Variants in SNAP91 observed in about 807,000 individuals in gnomAD.
SNAP91 encodes the protein synaptosome associated protein 91.
A neutral mutation model predicts 100.3 loss-of-function variants in SNAP91; 27 were observed. The observed-to-expected ratio is 0.27, with a 90% CI of 0.20 to 0.37. SNAP91 has a LOEUF of 0.37. Among genes scored for constraint, SNAP91 ranks in the 10% least tolerant of loss-of-function variants. SNAP91 has a pLI of 1.00. For synonymous variants in SNAP91, 404 were observed against 398.6 expected (o/e 1.01, Z -0.16); for missense variants, 986 against 1,123.7 (o/e 0.88, Z 1.75).
intron 2 of SNAP91, among the ~76,000 whole-genome samples, chr6:83,665,942 T>A (rs1383199126): frequency 6.6e-6 from 1 of 152,118 alleles, no homozygotes; most frequent in East Asian, 1.9e-4. Flanking sequence ...ATGTCTCAAA[T>A]GTGGGCACTT....
chr6:83,610,521 C>T (rs537681586), intron 12 of SNAP91, 129 bp downstream of exon 12: 13 of 272,848 alleles, frequency 4.8e-5, no homozygotes, highest in African/African-American at 9.2e-5. Context: ...AAAAAAGTTC[C>T]GGAAATGGAT....
intron 26 of SNAP91, among the ~76,000 whole-genome samples, chr6:83,563,392 A>C (rs1446122443): frequency 6.6e-6 from 1 of 152,178 alleles, no homozygotes. Context: ...AACCCAATAA[A>C]GGGTATCTAC....
intron 16 of SNAP91, among the ~76,000 whole-genome samples, chr6:83,597,650 C>CT (rs2094622106): frequency 6.6e-6 from 1 of 152,144 alleles, no homozygotes; most frequent in South Asian, 2.1e-4. Flanking sequence ...TCCTCTCAAA[C>CT]TTTTTATCAT....
intron 26 of SNAP91, among the ~76,000 whole-genome samples, chr6:83,574,148 C>A (rs1341498553): frequency 6.6e-6 from 1 of 152,018 alleles, no homozygotes; most frequent in Admixed American, 6.6e-5. Flanking sequence ...ATCAAGAAAG[C>A]CTTAGAGATG....
intron 3 of SNAP91, among the ~76,000 whole-genome samples, chr6:83,665,058 T>C (rs1371775541): frequency 6.6e-6 from 1 of 152,112 alleles, no homozygotes; most frequent in Non-Finnish European, 1.5e-5. Context: ...ATGTACTTTT[T>C]TTAGACATAA....
chr6:83,656,913 A>G (rs370473878), intron 6 of SNAP91, 48 bp from the exon 7 acceptor site: 44 of 821,706 alleles, frequency 5.4e-5, no homozygotes, highest in Non-Finnish European at 8.1e-5. Flanking sequence ...ATTAAGTCTT[A>G]ATTTTTCTTG....
At chr6:83,667,941 G>A (rs1394589983) in intron 2 of SNAP91, among the ~76,000 whole-genome samples, 1 of 151,932 alleles carries the variant, frequency 6.6e-6, no homozygotes, top group Non-Finnish European at 1.5e-5. Flanking sequence ...TCTGACAAAG[G>A]GCTAATATCC....
chr6:83,620,512 C>T (rs1172765945), intron 9 of SNAP91, among the ~76,000 whole-genome samples: 4 of 152,164 alleles, frequency 2.6e-5, no homozygotes, highest in Admixed American at 2.6e-4. Flanking sequence ...CAGACCTGAT[C>T]ATAACTGTCA....
intron 2 of SNAP91, among the ~76,000 whole-genome samples, chr6:83,688,554 A>C (rs2099091821): frequency 7.1e-6 from 1 of 141,094 alleles, no homozygotes; most frequent in South Asian, 2.2e-4. Context: ...GCCAGGCTGG[A>C]GTGCAGTGGT....
At chr6:83,663,673 C>T (rs2098609014) in intron 3 of SNAP91, among the ~76,000 whole-genome samples, 1 of 152,008 alleles carries the variant, frequency 6.6e-6, no homozygotes, top group South Asian at 2.1e-4. Context: ...GCCATCTCCA[C>T]AATATAAAAG....
At chr6:83,576,944 T>C (rs115724408) in intron 24 of SNAP91, among the ~76,000 whole-genome samples, 2,222 of 152,278 alleles carry the variant, frequency 0.015, 48 homozygotes, top group African/African-American at 0.05. Flanking sequence ...GAGAGTCCTA[T>C]CCTGGAGGAA....
rs746035632 is a variant in SNAP91, at chr6:83,676,831, C to G, written c.131-11250G>C. Reference sequence around the variant, plus strand: ...AATAAAAGAGGTTATTTTAATAGTTCAGGTGAGTGGTGTTAATGAGCTTAT... The same window carrying G: ...AATAAAAGAGGTTATTTTAATAGTTGAGGTGAGTGGTGTTAATGAGCTTAT... On this transcript the variant is annotated intron_variant, in intron 2 of 29. Coordinates refer to ENST00000369694, the MANE Select transcript of SNAP91 (RefSeq NM_001242792.2). Among the ~76,000 whole-genome samples, 131 of 152,122 alleles carry G rather than the reference C, an allele frequency of 8.6e-4. 1 individual carries two copies. The highest frequency in any genetic ancestry group is 7.4e-5 in the Non-Finnish European group (5 of 67,992).
In SNAP91 at chr6:83,589,900, G is replaced by C. The variant is rs114246140; in HGVS notation, c.2014+1311C>G. On this transcript the variant is annotated intron_variant, in intron 22 of 29. Transcript: ENST00000369694. ...CTCAGCTTGCTGTACCTGGTGCCAG[G>C]ATTGTTTATTGTATAACTTGTAATT... Among the ~76,000 whole-genome samples, 909 of 152,240 alleles carry C rather than the reference G, an allele frequency of 6.0e-3. 2 individuals carry two copies. Among genetic ancestry groups the C allele is most frequent in the African/African-American group, 0.02 (847 of 41,532 alleles).
In SNAP91 at chr6:83,610,839, T is replaced by C. The variant is rs1055232261; in HGVS notation, c.885-162A>G. ...TTTTATATACAGACTTTTAAAATAA[T>C]GGACAGGCTATTTTTAAAAAACTTT... On this transcript the variant is annotated intron_variant, in intron 11 of 29. Coordinates refer to ENST00000369694, the MANE Select transcript of SNAP91 (RefSeq NM_001242792.2). Among the ~76,000 whole-genome samples the C allele has an allele frequency of 4.0e-5, 6 of 149,106 alleles. No homozygotes were observed. In the East Asian group the frequency reaches 9.8e-4, roughly 24 times the overall value.
intron 26 of SNAP91, among the ~76,000 whole-genome samples, chr6:83,568,736 C>T (rs1801315803): frequency 6.6e-6 from 1 of 152,132 alleles, no homozygotes; most frequent in Non-Finnish European, 1.5e-5. Flanking sequence ...AGTAATCTTA[C>T]TGCTTATCTA....
At chr6:83,660,751 T>C (rs217307) in intron 5 of SNAP91, among the ~76,000 whole-genome samples, 150,845 of 151,952 alleles carry the variant, frequency 0.99, 74,874 homozygotes, top group Middle Eastern at 1. Flanking sequence ...AAAAAAAAAA[T>C]ATTTATATAG....
intron 11 of SNAP91, among the ~76,000 whole-genome samples, chr6:83,613,890 G>A (rs1428466160): frequency 1.3e-5 from 2 of 152,070 alleles, no homozygotes; most frequent in Non-Finnish European, 2.9e-5. Context: ...GAAAAATCTA[G>A]TAGATAATGA....
chr6:83,636,017 A>G (rs1191109576), intron 8 of SNAP91, among the ~76,000 whole-genome samples: 1 of 152,158 alleles, frequency 6.6e-6, no homozygotes, highest in Non-Finnish European at 1.5e-5. Context: ...TAGCTTGTAA[A>G]GTTTCTTTTG....
intron 2 of SNAP91, among the ~76,000 whole-genome samples, chr6:83,667,434 G>A (rs2098706600): frequency 6.6e-6 from 1 of 151,664 alleles, no homozygotes; most frequent in Non-Finnish European, 1.5e-5. Context: ...TATAAATGCT[G>A]GTCTTTTATT....
Sources: allele counts gnomAD v4.1 joint callset (sites outside exome capture counted in the v4.1 genomes callset), GRCh38; gene constraint gnomAD v4.1.1; transcripts MANE v1.5; gene names NCBI Gene and HGNC (gene_info 2026-07-23, HGNC 2026-07-21).